RIGI: variants seen among roughly 807,000 people sequenced by gnomAD.
RIGI encodes the protein antiviral innate immune response receptor RIG-I.
chr9:32,488,367 T>G, the RIGI span, among the ~76,000 whole-genome samples: 1 of 152,190 alleles, frequency 6.6e-6, no homozygotes, highest in Non-Finnish European at 1.5e-5. Context: ...TAGTAAGAGA[T>G]CAATAAATCC....
chr9:32,464,475 T>C, the RIGI span, among the ~76,000 whole-genome samples: 5 of 152,228 alleles, frequency 3.3e-5, no homozygotes, highest in Admixed American at 1.3e-4. Context: ...CTGCAAGCTC[T>C]GCCTCCCGGG....
At chr9:32,516,596 A>G in the RIGI span, among the ~76,000 whole-genome samples, 15,316 of 152,248 alleles carry the variant, frequency 0.1, 991 homozygotes, top group Middle Eastern at 0.28. Flanking sequence ...TGGCATCTGG[A>G]TAAGTGAGTG....
the RIGI span, among the ~76,000 whole-genome samples, chr9:32,468,917 T>A: frequency 6.6e-6 from 1 of 152,204 alleles, no homozygotes; most frequent in Non-Finnish European, 1.5e-5. Context: ...TTTCTCCTGC[T>A]AGGCACACAC....
chr9:32,457,243 A>G, the RIGI span: 1 of 1,614,178 alleles, frequency 6.2e-7, no homozygotes, highest in Non-Finnish European at 8.5e-7. Flanking sequence ...AATTTTTATA[A>G]CTGGAATCTC....
chr9:32,521,581 T>G, the RIGI span, among the ~76,000 whole-genome samples: 147 of 151,706 alleles, frequency 9.7e-4, no homozygotes, highest in African/African-American at 3.1e-3. Flanking sequence ...ATTCAGGGGG[T>G]TTTTTTTAAC....
chr9:32,481,537 T>C, the RIGI span: 1 of 1,404,358 alleles, frequency 7.1e-7, no homozygotes, highest in East Asian at 2.4e-5. Flanking sequence ...CTGTCTCATA[T>C]GGTCAGTCAT....
chr9:32,473,518 C>T, the RIGI span, among the ~76,000 whole-genome samples: 3 of 151,998 alleles, frequency 2.0e-5, no homozygotes, highest in African/African-American at 7.3e-5. Context: ...AATTCCTGAC[C>T]TCGTGATCCA....
At chr9:32,478,943 C>T in the RIGI span, among the ~76,000 whole-genome samples, 1 of 152,126 alleles carries the variant, frequency 6.6e-6, no homozygotes, top group Non-Finnish European at 1.5e-5. Flanking sequence ...TTGAATAGCA[C>T]AAAATATTGA....
At chr9:32,465,128 G>A in the RIGI span, among the ~76,000 whole-genome samples, 1 of 152,198 alleles carries the variant, frequency 6.6e-6, no homozygotes. Context: ...AAATGGAAAG[G>A]TGGCTCAGTG....
At chr9:32,524,596 G>GTTTTTTTTTTTTTTTT in the RIGI span, among the ~76,000 whole-genome samples, 19 of 67,578 alleles carry the variant, frequency 2.8e-4, no homozygotes, top group Non-Finnish European at 3.6e-4. Flanking sequence ...TTGTTTTTCG[G>GTTTTTTTTTTTTTTTT]TTTTTTTTTT....
the RIGI span, among the ~76,000 whole-genome samples, chr9:32,503,183 A>G: frequency 3.3e-5 from 5 of 151,976 alleles, no homozygotes; most frequent in African/African-American, 1.2e-4. Flanking sequence ...TCCTTTCAAC[A>G]TGCTAACAGC....
chr9:32,457,069 C>T, the RIGI span: 2 of 1,411,012 alleles, frequency 1.4e-6, no homozygotes, highest in South Asian at 1.2e-5. Flanking sequence ...ATGTTTGTTT[C>T]TTCTCCACTC....
At chr9:32,494,051 A>C in the RIGI span, 1 of 806,510 alleles carries the variant, frequency 1.2e-6, no homozygotes, top group South Asian at 1.9e-5. Context: ...AATTCAAAAA[A>C]TATCTGTAAA....
At chr9:32,495,823 C>G in the RIGI span, among the ~76,000 whole-genome samples, 1 of 151,868 alleles carries the variant, frequency 6.6e-6, no homozygotes, top group Non-Finnish European at 1.5e-5. Flanking sequence ...CCACGCCCAG[C>G]TATGTGTACT....
At chr9:32,459,599 C>T in the RIGI span, 188 of 1,226,538 alleles carry the variant, frequency 1.5e-4, no homozygotes, top group Non-Finnish European at 2.0e-4. Context: ...AATACATATA[C>T]ATGCACGCAC....
chr9:32,488,201 T>A, the RIGI span: 1 of 1,612,936 alleles, frequency 6.2e-7, no homozygotes, highest in Admixed American at 1.7e-5. Flanking sequence ...TGTAACTCTA[T>A]ACCTGGGAAA....
At chr9:32,515,578 C>T in the RIGI span, among the ~76,000 whole-genome samples, 1 of 152,132 alleles carries the variant, frequency 6.6e-6, no homozygotes, top group Non-Finnish European at 1.5e-5. Flanking sequence ...TTAAGCACTA[C>T]CTCCCTTGTA....
the RIGI span, among the ~76,000 whole-genome samples, chr9:32,486,260 T>A: frequency 6.6e-6 from 1 of 151,968 alleles, no homozygotes; most frequent in South Asian, 2.1e-4. Context: ...AAGACCAGCC[T>A]GGCCAACATG....
chr9:32,474,404 A>G, the RIGI span, among the ~76,000 whole-genome samples: 3 of 152,134 alleles, frequency 2.0e-5, no homozygotes, highest in Non-Finnish European at 2.9e-5. Flanking sequence ...TCAGATCCTC[A>G]TGTAATCCCC....
Sources: allele counts gnomAD v4.1 joint callset (sites outside exome capture counted in the v4.1 genomes callset), GRCh38; gene constraint gnomAD v4.1.1; transcripts MANE v1.5; gene names NCBI Gene and HGNC (gene_info 2026-07-23, HGNC 2026-07-21).